The following FARS2 variants were observed in gnomAD, a reference collection of about 807,000 sequenced individuals.
The protein encoded by FARS2 is phenylalanine--tRNA ligase, mitochondrial.
FARS2 carries 40 observed loss-of-function variants against 46.4 expected under a neutral mutation model. The observed-to-expected ratio is 0.86, with a 90% CI of 0.67 to 1.12. FARS2 has a LOEUF of 1.12. Among genes scored for constraint, FARS2 ranks in the 50% most tolerant of loss-of-function variants. The pLI, the probability that FARS2 is intolerant of heterozygous loss-of-function variation, is 0.00. For synonymous variants in FARS2, 234 were observed against 214.9 expected (o/e 1.09, Z -0.78); for missense variants, 513 against 567.9 (o/e 0.90, Z 0.98).
chr6:5,629,576 C>T (rs1776197923), intron 6 of FARS2, among the ~76,000 whole-genome samples: 1 of 152,120 alleles, frequency 6.6e-6, no homozygotes, highest in Non-Finnish European at 1.5e-5. Context: ...GATCCTAAAG[C>T]CTGTATTCCC....
intron 2 of FARS2, among the ~76,000 whole-genome samples, chr6:5,397,628 A>T (rs1760987952): frequency 6.6e-6 from 1 of 152,254 alleles, no homozygotes; most frequent in African/African-American, 2.4e-5. Context: ...TTTATTTAAA[A>T]AAAGAGACTA....
At position 5,369,201 on chromosome 6, in the gene FARS2, C is replaced by G; in HGVS notation, c.612+19C>G. ...GCATGAGGTGAGTCTTGAGATGTTT[C>G]TCATCGCTGAAGGATGTCATAGACA... is the stretch of plus-strand genomic sequence containing the variant. On this transcript the variant is annotated intron_variant, in intron 2 of 6. Coordinates refer to ENST00000274680, the MANE Select transcript of FARS2 (RefSeq NM_006567.5). The G allele has an allele frequency of 6.3e-7, 1 of 1,597,010 alleles. No homozygotes were observed. Among genetic ancestry groups the G allele is most frequent in the Non-Finnish European group, 8.5e-7 (1 of 1,176,152 alleles).
chr6:5,256,773 T>C (rs1358420538), upstream of FARS2, among the ~76,000 whole-genome samples: 4 of 152,036 alleles, frequency 2.6e-5, no homozygotes, highest in African/African-American at 9.7e-5. Context: ...ACCCTAAATA[T>C]GAACTAAAAA....
chr6:5,607,369 C>G (rs1774903415), intron 5 of FARS2, among the ~76,000 whole-genome samples: 2 of 149,166 alleles, frequency 1.3e-5, no homozygotes, highest in Non-Finnish European at 1.5e-5. Context: ...CTCCTTACAC[C>G]AGGGGGAAAA....
Position 5,577,516 on chromosome 6 carries a change from G to A in FARS2, c.1065+32176G>A, listed in dbSNP as rs578181995. Among the ~76,000 whole-genome samples, 297 of 152,240 alleles carry A rather than the reference G, an allele frequency of 2.0e-3. 1 individual carries two copies. Among genetic ancestry groups the A allele is most frequent in the African/African-American group, 6.8e-3 (284 of 41,554 alleles). On this transcript the variant is annotated intron_variant, in intron 5 of 6. Coordinates refer to ENST00000274680, the MANE Select transcript of FARS2 (RefSeq NM_006567.5). The stretch of plus-strand genomic sequence containing the variant: ...GCTCATTATAGAAAAGACTGAACTC[G>A]TGGCCAGGGCAGGGAAAATAGAAGA...
chr6:5,690,671 G>A (rs565029707), intron 6 of FARS2, among the ~76,000 whole-genome samples: 6 of 151,754 alleles, frequency 4.0e-5, no homozygotes, highest in Admixed American at 1.3e-4. Context: ...TGACAATTAC[G>A]TGTCTTGGAG....
intron 5 of FARS2, among the ~76,000 whole-genome samples, chr6:5,560,228 A>G (rs993526541): frequency 6.6e-6 from 1 of 152,154 alleles, no homozygotes; most frequent in East Asian, 1.9e-4. Context: ...CATTTTATCA[A>G]ATTAGGGGTG....
At chr6:5,537,507 G>T (rs1043532258) in intron 4 of FARS2, among the ~76,000 whole-genome samples, 1 of 145,316 alleles carries the variant, frequency 6.9e-6, no homozygotes, top group Admixed American at 6.8e-5. Context: ...GAGATGTCCC[G>T]GGCCTCCTCT....
intron 2 of FARS2, among the ~76,000 whole-genome samples, chr6:5,396,679 G>A (rs908715283): frequency 9.9e-5 from 15 of 152,200 alleles, no homozygotes; most frequent in African/African-American, 3.4e-4. Context: ...GGAGAAAATG[G>A]AAGGAACTGA....
At chr6:5,355,510 C>T (rs1029045083) in intron 1 of FARS2, among the ~76,000 whole-genome samples, 1 of 151,784 alleles carries the variant, frequency 6.6e-6, no homozygotes, top group African/African-American at 2.4e-5. Flanking sequence ...GTGCGTGCCA[C>T]CATGCCCGGC....
intron 1 of FARS2, among the ~76,000 whole-genome samples, chr6:5,275,912 A>C (rs1228322056): frequency 6.6e-6 from 1 of 152,192 alleles, no homozygotes; most frequent in Non-Finnish European, 1.5e-5. Flanking sequence ...TATTATCTTA[A>C]GCTTTGCTGG....
chr6:5,683,197 C>T (rs760372050), intron 6 of FARS2, among the ~76,000 whole-genome samples: 5 of 152,072 alleles, frequency 3.3e-5, no homozygotes, highest in East Asian at 1.9e-4. Context: ...GGCTTTCAGC[C>T]GTCTGGGTGG....
chr6:5,750,482 A>G lies in FARS2; in HGVS notation c.1218-20809A>G, dbSNP rs1373980402. 2.0e-5 allele frequency among the ~76,000 whole-genome samples: 3 copies of G among 152,342 alleles called. No individual in the cohort carries two copies. The East Asian group carries it at 5.8e-4, about 29-fold the overall frequency. ...TGGTTGAGAAGGACAGGCAAGAGATAAACAAGACGACCAGAGAGGAGGCCC... is the reference window on the plus strand; with the variant it reads ...TGGTTGAGAAGGACAGGCAAGAGATGAACAAGACGACCAGAGAGGAGGCCC... On this transcript the variant is annotated intron_variant, in intron 6 of 6. Coordinates refer to ENST00000274680, the MANE Select transcript of FARS2 (RefSeq NM_006567.5).
At chr6:5,602,801 C>T (rs1774611443) in intron 5 of FARS2, among the ~76,000 whole-genome samples, 1 of 152,120 alleles carries the variant, frequency 6.6e-6, no homozygotes, top group South Asian at 2.1e-4. Flanking sequence ...ACTTTTTACC[C>T]CTCCCCTCCT....
intron 1 of FARS2, among the ~76,000 whole-genome samples, chr6:5,283,504 G>C (rs1190043358): frequency 6.7e-6 from 1 of 148,842 alleles, no homozygotes; most frequent in Non-Finnish European, 1.5e-5. Flanking sequence ...AGCTGAGATT[G>C]CGCCACTGCA....
chr6:5,485,872 T>G (rs1766745252), intron 4 of FARS2, among the ~76,000 whole-genome samples: 1 of 152,170 alleles, frequency 6.6e-6, no homozygotes, highest in Non-Finnish European at 1.5e-5. Context: ...ACATTCCAAG[T>G]GCCCACTAGC....
chr6:5,663,384 A>T (rs185415588), intron 6 of FARS2, among the ~76,000 whole-genome samples: 60 of 152,322 alleles, frequency 3.9e-4, no homozygotes, highest in South Asian at 6.2e-4. Flanking sequence ...ATCTGTTTGG[A>T]TGGAATCATT....
chr6:5,525,228 T>C (rs1769386464), intron 4 of FARS2, among the ~76,000 whole-genome samples: 1 of 127,450 alleles, frequency 7.8e-6, no homozygotes, highest in Non-Finnish European at 1.8e-5. Flanking sequence ...TCTATGTTGA[T>C]AGAAAGAAAT....
At chr6:5,706,445 C>A (rs1758773424) in intron 6 of FARS2, among the ~76,000 whole-genome samples, 1 of 152,154 alleles carries the variant, frequency 6.6e-6, no homozygotes, top group Non-Finnish European at 1.5e-5. Context: ...CCAGTGCTGT[C>A]CCCATTACTC....
Sources: allele counts gnomAD v4.1 joint callset (sites outside exome capture counted in the v4.1 genomes callset), GRCh38; gene constraint gnomAD v4.1.1; transcripts MANE v1.5; gene names NCBI Gene and HGNC (gene_info 2026-07-23, HGNC 2026-07-21).